ADRA1B: variants seen among roughly 807,000 people sequenced by gnomAD.
ADRA1B encodes the protein adrenoceptor alpha 1B, also known as alpha-1B adrenergic receptor.
In ADRA1B, 17 loss-of-function variants were observed where a neutral mutation model predicts 17.9. That is an observed-to-expected ratio of 0.95 (90% CI 0.65 to 1.42). The LOEUF (loss-of-function observed/expected upper bound fraction) is 1.42. ADRA1B is among the 40% of genes most tolerant of loss of function. The probability of loss-of-function intolerance (pLI) is 0.00; values close to 1 mark genes in which losing one functional copy is unlikely to be tolerated. For missense variants in ADRA1B, 681 were observed against 722.1 expected (o/e 0.94, Z 0.65); for synonymous variants, 366 against 327.6 (o/e 1.12, Z -1.27).
At chr5:159,942,581 C>T (rs551652120) in intron 1 of ADRA1B, among the ~76,000 whole-genome samples, 2 of 152,216 alleles carry the variant, frequency 1.3e-5, no homozygotes, top group African/African-American at 2.4e-5. Context: ...GAGGCTAAGG[C>T]GGGAGGAACA....
At chr5:159,949,840 A>G (rs935111551) in intron 1 of ADRA1B, among the ~76,000 whole-genome samples, 2 of 152,194 alleles carry the variant, frequency 1.3e-5, no homozygotes, top group African/African-American at 4.8e-5. Flanking sequence ...TCTCTTGCCA[A>G]ATGCACTTCT....
the ADRA1B span, among the ~76,000 whole-genome samples, chr5:159,983,264 C>T: frequency 6.6e-6 from 1 of 152,166 alleles, no homozygotes; most frequent in South Asian, 2.1e-4. Flanking sequence ...GCCCCAAGGG[C>T]CAGCTAGTCC....
the ADRA1B span, among the ~76,000 whole-genome samples, chr5:159,979,431 C>T: frequency 0.044 from 6,749 of 152,240 alleles, 517 homozygotes; most frequent in African/African-American, 0.15. Context: ...CAGTACCTGG[C>T]ACATGGTACT....
At chr5:159,927,056 G>T (rs762253543) in intron 1 of ADRA1B, among the ~76,000 whole-genome samples, 16 of 152,122 alleles carry the variant, frequency 1.1e-4, no homozygotes, top group Admixed American at 1.0e-3. Flanking sequence ...TCATGAAGCC[G>T]GTGAAGCGAG....
At position 159,917,241 on chromosome 5, in the gene ADRA1B, G is replaced by A; in HGVS notation, c.336G>A (p.Val112=). The A allele has an allele frequency of 6.2e-7, 1 of 1,614,156 alleles. No homozygotes were observed. The highest frequency in any genetic ancestry group is 1.3e-5 in the African/African-American group (1 of 75,058). The change falls in exon 1 of 2, where the codon GTG becomes GTA. Residue 112 remains valine (V), a synonymous_variant. Transcript: ENST00000306675. ...SAALEVLGYW[V]LGRIFCDIWA... is the part of the protein sequence containing the mutation. Reference sequence around the variant, plus strand: ...CCCTAGAGGTGCTCGGCTACTGGGTGCTGGGGCGGATCTTCTGTGACATCT... The same window carrying A: ...CCCTAGAGGTGCTCGGCTACTGGGTACTGGGGCGGATCTTCTGTGACATCT...
chr5:159,865,096 A>G (rs1431528072), exon 1 of ADRA1B: 2 of 152,188 alleles, frequency 1.3e-5, no homozygotes, highest in East Asian at 1.9e-4. Flanking sequence ...ATTCCTGGAC[A>G]TTGCTGGGAG....
At chr5:159,945,136 T>C (rs1755234742) in intron 1 of ADRA1B, among the ~76,000 whole-genome samples, 1 of 151,944 alleles carries the variant, frequency 6.6e-6, no homozygotes, top group Non-Finnish European at 1.5e-5. Context: ...TCCCTGCACT[T>C]TGGGAGGTCA....
intron 1 of ADRA1B, among the ~76,000 whole-genome samples, chr5:159,967,292 G>T (rs1223406745): frequency 6.6e-6 from 1 of 152,138 alleles, no homozygotes; most frequent in Non-Finnish European, 1.5e-5. Flanking sequence ...ACCTGGGATG[G>T]CTTAACATGA....
the ADRA1B span, among the ~76,000 whole-genome samples, chr5:159,981,848 G>A: frequency 1.3e-5 from 2 of 152,224 alleles, no homozygotes; most frequent in East Asian, 1.9e-4. Context: ...GGTGACTCAC[G>A]CCTGTAATCC....
intron 1 of ADRA1B, among the ~76,000 whole-genome samples, chr5:159,865,459 C>G (rs1343325779): frequency 6.6e-6 from 1 of 152,124 alleles, no homozygotes; most frequent in Non-Finnish European, 1.5e-5. Flanking sequence ...AAGCGTAACT[C>G]GCATGGTTTG....
At chr5:159,981,766 G>T in the ADRA1B span, among the ~76,000 whole-genome samples, 1 of 152,110 alleles carries the variant, frequency 6.6e-6, no homozygotes, top group African/African-American at 2.4e-5. Context: ...AAAGTGCTGG[G>T]ATTACAGACG....
intron 1 of ADRA1B, among the ~76,000 whole-genome samples, chr5:159,958,297 C>G (rs1755603058): frequency 6.6e-6 from 1 of 152,184 alleles, no homozygotes; most frequent in Non-Finnish European, 1.5e-5. Flanking sequence ...CCCCAACTTA[C>G]AGTCTGTTTT....
At chr5:159,868,141 AG>A (rs1231125565) in intron 1 of ADRA1B, 4 of 152,222 alleles carry the variant, frequency 2.6e-5, no homozygotes, top group African/African-American at 9.6e-5. Context: ...CCTACCACAT[AG>A]GGTCATTGCA....
intron 1 of ADRA1B, among the ~76,000 whole-genome samples, chr5:159,875,552 G>A (rs1337067778): frequency 6.6e-6 from 1 of 152,158 alleles, no homozygotes; most frequent in Non-Finnish European, 1.5e-5. Flanking sequence ...TCTAAATTGA[G>A]AGAGTCCACT....
intron 1 of ADRA1B, among the ~76,000 whole-genome samples, chr5:159,937,454 T>C (rs1486369655): frequency 6.6e-6 from 1 of 151,866 alleles, no homozygotes; most frequent in Non-Finnish European, 1.5e-5. Context: ...TTTGTTTTTT[T>C]TTTTTGAGAC....
At chr5:159,952,983 G>A (rs1755474927) in intron 1 of ADRA1B, among the ~76,000 whole-genome samples, 1 of 152,154 alleles carries the variant, frequency 6.6e-6, no homozygotes, top group Non-Finnish European at 1.5e-5. Flanking sequence ...ACACAGGGGG[G>A]ATGCTATTTC....
At chr5:159,904,914 G>A (rs1185422373) in intron 1 of ADRA1B, among the ~76,000 whole-genome samples, 1 of 152,166 alleles carries the variant, frequency 6.6e-6, no homozygotes, top group Non-Finnish European at 1.5e-5. Context: ...TGTTTGATGG[G>A]CTCCATAGAG....
At chr5:159,920,575 G>A (rs576410020) in intron 1 of ADRA1B, among the ~76,000 whole-genome samples, 5 of 152,074 alleles carry the variant, frequency 3.3e-5, no homozygotes, top group Admixed American at 6.6e-5. Context: ...TCCCTGAGCC[G>A]ACCCCATCAA....
At chr5:159,927,387 A>ACC (rs1754688232) in intron 1 of ADRA1B, among the ~76,000 whole-genome samples, 1 of 150,962 alleles carries the variant, frequency 6.6e-6, no homozygotes, top group Non-Finnish European at 1.5e-5. Context: ...ACATGCACAC[A>ACC]CACACACACA....
Sources: allele counts gnomAD v4.1 joint callset (sites outside exome capture counted in the v4.1 genomes callset), GRCh38; gene constraint gnomAD v4.1.1; transcripts MANE v1.5; gene names NCBI Gene and HGNC (gene_info 2026-07-23, HGNC 2026-07-21).